The following OSBPL6 variants were observed in gnomAD, a reference collection of about 807,000 sequenced individuals.
OSBPL6 encodes oxysterol-binding protein-related protein 6.
OSBPL6 carries 49 observed loss-of-function variants against 125.8 expected under a neutral mutation model. The ratio of observed to expected loss-of-function variants is 0.39; its 90% CI spans 0.31 to 0.49. OSBPL6 has a LOEUF of 0.49. Ranked by LOEUF, OSBPL6 falls within the 20% of genes least tolerant of loss-of-function variation. The probability of loss-of-function intolerance (pLI) is 0.88; values close to 1 mark genes in which losing one functional copy is unlikely to be tolerated. For synonymous variants in OSBPL6, 394 were observed against 391.8 expected (o/e 1.01, Z -0.07); for missense variants, 986 against 1,135.4 (o/e 0.87, Z 1.89).
intron 15 of OSBPL6, among the ~76,000 whole-genome samples, chr2:178,379,326 GA>G (rs776705958): frequency 0.017 from 1,342 of 77,882 alleles, 9 homozygotes; most frequent in African/African-American, 0.022. Context: ...AGGAAGGAAG[GA>G]AAGGAAGGGA....
chr2:178,312,741 C>CCACCACACCCAGCCTCTAG (rs1687401299), intron 3 of OSBPL6, among the ~76,000 whole-genome samples: 1 of 152,142 alleles, frequency 6.6e-6, no homozygotes, highest in South Asian at 2.1e-4. Flanking sequence ...CAGGCATGAG[C>CCACCACACCCAGCCTCTAG]CACCACACCC....
intron 1 of OSBPL6, among the ~76,000 whole-genome samples, chr2:178,205,243 C>T (rs182468506): frequency 6.6e-6 from 1 of 152,262 alleles, no homozygotes; most frequent in Admixed American, 6.5e-5. Context: ...GAAGTGACAG[C>T]TCATGATTAA....
At chr2:178,252,052 T>C (rs2091714257) in intron 1 of OSBPL6, among the ~76,000 whole-genome samples, 1 of 152,234 alleles carries the variant, frequency 6.6e-6, no homozygotes, top group Non-Finnish European at 1.5e-5. Context: ...CACTTGGAGA[T>C]GGCACGGGCT....
At chr2:178,348,878 C>T (rs943208663) in intron 11 of OSBPL6, among the ~76,000 whole-genome samples, 9 of 152,226 alleles carry the variant, frequency 5.9e-5, no homozygotes, top group African/African-American at 2.2e-4. Context: ...TCAGCTACAT[C>T]ACAGTTCAGA....
chr2:178,197,049 A>G (rs1424237882), intron 1 of OSBPL6, among the ~76,000 whole-genome samples: 1 of 143,752 alleles, frequency 7.0e-6, no homozygotes, highest in South Asian at 2.2e-4. Context: ...TTTTTTTGAG[A>G]TATTGCAGTG....
intron 1 of OSBPL6, among the ~76,000 whole-genome samples, chr2:178,236,603 G>A (rs528089434): frequency 1.3e-5 from 2 of 152,164 alleles, no homozygotes; most frequent in Non-Finnish European, 2.9e-5. Context: ...CAGTGACAGT[G>A]TGATTGGCTT....
chr2:178,209,077 T>C (rs868705878), intron 1 of OSBPL6, among the ~76,000 whole-genome samples: 1 of 152,288 alleles, frequency 6.6e-6, no homozygotes, highest in South Asian at 2.1e-4. Flanking sequence ...TAGTATTTTC[T>C]CTCTTTATGT....
intron 12 of OSBPL6, among the ~76,000 whole-genome samples, chr2:178,359,814 G>T (rs1692159401): frequency 6.6e-6 from 1 of 152,226 alleles, no homozygotes; most frequent in African/African-American, 2.4e-5. Flanking sequence ...TTGGCCAGGT[G>T]CAGTGGCTCA....
chr2:178,387,094 C>T lies in OSBPL6; in HGVS notation c.2111C>T (p.Ser704Leu), dbSNP rs760715977. ...IRWKNKFWGK[S>L]MEILPVGTLN... The stretch of plus-strand genomic sequence containing the variant: ...TGGAAAAACAAGTTCTGGGGGAAGT[C>T]GATGGAAATCCTGCCTGTTGGAACA... Residue 704 changes from serine to leucine, a missense_variant, in exon 20 of 25, where the codon TCG becomes TTG. By Grantham distance (145) the Ser-to-Leu change is moderately radical (BLOSUM62 -2). Around this residue, in one of 3 missense-constraint regions of OSBPL6, gnomAD observed 843 missense variants for 997.3 expected, o/e 0.85. Transcript: ENST00000190611. 1 of 1,612,296 alleles carries T rather than the reference C, an allele frequency of 6.2e-7. No individual in the cohort carries two copies. The highest frequency in any genetic ancestry group is 8.5e-7 in the Non-Finnish European group (1 of 1,178,592).
rs71023433 is a variant in OSBPL6 at position 178,231,638 on chromosome 2, A to ATTTTT, written c.-351+36986_-351+36990dup. On this transcript the variant is annotated intron_variant, in intron 1 of 24. Transcript: ENST00000190611. ...TCCTGACCACCACCAGGGTGGTCCCATTTTTTTTTTTTTTTTTTTTTTTTT... is the reference window on the plus strand; with the variant it reads ...TCCTGACCACCACCAGGGTGGTCCCATTTTTTTTTTTTTTTTTTTTTTTTTTTTTT... Among the ~76,000 whole-genome samples, 27 of 84,572 alleles carry ATTTTT rather than the reference A, an allele frequency of 3.2e-4. 3 individuals carry two copies. The highest frequency in any genetic ancestry group is 1.2e-3 in the African/African-American group (21 of 18,138). The allele number at this position is 84,572 out of a possible 152,430, so 55.5% of individuals were successfully genotyped here. A position where few individuals can be genotyped will look rare whatever the true frequency, so the allele number is the denominator to read the frequency against.
intron 12 of OSBPL6, among the ~76,000 whole-genome samples, chr2:178,361,471 T>A (rs186341018): frequency 6.6e-6 from 1 of 152,302 alleles, no homozygotes; most frequent in East Asian, 1.9e-4. Context: ...AAAAAACAAA[T>A]TTTTCACTCT....
intron 12 of OSBPL6, among the ~76,000 whole-genome samples, chr2:178,353,406 C>A (rs1385351197): frequency 1.3e-5 from 2 of 152,086 alleles, no homozygotes; most frequent in Non-Finnish European, 1.5e-5. Flanking sequence ...CCTTAAATGA[C>A]CTGATGGAGC....
At chr2:178,360,371 G>GGT (rs1559292371) in intron 12 of OSBPL6, among the ~76,000 whole-genome samples, 1 of 152,104 alleles carries the variant, frequency 6.6e-6, no homozygotes, top group African/African-American at 2.4e-5. Flanking sequence ...GCCACAGCGC[G>GGT]GTGGGGGGGC....
In OSBPL6 at chr2:178,320,528, C is replaced by G. The variant is rs1484348202; in HGVS notation, c.103-3649C>G. ...AGAATAATTAACTGGTTTACATAAC[C>G]CTTTATTTAACTTGCTTACATAATG... is the stretch of plus-strand genomic sequence containing the variant. On this transcript the variant is annotated intron_variant, in intron 3 of 24. Coordinates refer to ENST00000190611, the MANE Select transcript of OSBPL6 (RefSeq NM_032523.4). 3.1e-6 allele frequency: 3 copies of G among 978,318 alleles called. No individual in the cohort carries two copies. In the East Asian group the frequency reaches 7.5e-5, roughly 25 times the overall value. 60.6% of individuals were successfully genotyped at this position (978,318 alleles called of 1,614,324 possible).
In OSBPL6 at chr2:178,373,953, T is replaced by C. The variant is rs377256259; in HGVS notation, c.1459T>C (p.Ser487Pro). 3.7e-6 allele frequency: 6 copies of C among 1,614,008 alleles called. No homozygotes were observed. The highest frequency in any genetic ancestry group is 5.1e-6 in the Non-Finnish European group (6 of 1,179,986). Residue 487 changes from serine (S) to proline (P), a missense_variant, in exon 15 of 25, where the codon TCC (serine) becomes CCC (proline). By Grantham distance (74) the Ser-to-Pro change is moderately conservative (BLOSUM62 -1). Coordinates refer to ENST00000190611, the MANE Select transcript of OSBPL6 (RefSeq NM_032523.4). ...GCAAGTAGCCAATGAGAGCCGCCTC[T>C]CCATGTCAGAGTCTGTTTCTGAGTT... ...SQQVANESRL[S>P]MSESVSEFFD...
At chr2:178,215,095 C>G (rs2153961911) in intron 1 of OSBPL6, among the ~76,000 whole-genome samples, 1 of 148,656 alleles carries the variant, frequency 6.7e-6, no homozygotes, top group African/African-American at 2.5e-5. Context: ...CAAAATTATC[C>G]TTTAAAAAAA....
intron 1 of OSBPL6, among the ~76,000 whole-genome samples, chr2:178,212,199 C>CCCT (rs1037447756): frequency 1.3e-5 from 2 of 152,138 alleles, no homozygotes; most frequent in African/African-American, 2.4e-5. Flanking sequence ...CCCTGACATA[C>CCCT]CCTGTGTCAT....
At chr2:178,330,889 C>A (rs1054598264) in intron 5 of OSBPL6, among the ~76,000 whole-genome samples, 1 of 152,150 alleles carries the variant, frequency 6.6e-6, no homozygotes, top group African/African-American at 2.4e-5. Flanking sequence ...TCCATTCAGA[C>A]TGTACTAGGA....
chr2:178,364,309 A>C (rs982754420), intron 13 of OSBPL6, among the ~76,000 whole-genome samples: 4 of 152,246 alleles, frequency 2.6e-5, no homozygotes, highest in African/African-American at 9.7e-5. Context: ...GCCAGAAATT[A>C]GAACTATTAC....
Sources: allele counts gnomAD v4.1 joint callset (sites outside exome capture counted in the v4.1 genomes callset), GRCh38; gene constraint gnomAD v4.1.1; regional missense constraint gnomAD v4.1.1; transcripts MANE v1.5; gene names NCBI Gene and HGNC (gene_info 2026-07-23, HGNC 2026-07-21).